The following HABP2 variants were observed in gnomAD, a reference collection of about 807,000 sequenced individuals.
HABP2 encodes factor VII-activating protease.
In HABP2, 65 loss-of-function variants were observed where a neutral mutation model predicts 66.5. That is an observed-to-expected ratio of 0.98 (90% CI 0.80 to 1.20). The LOEUF (loss-of-function observed/expected upper bound fraction) is 1.20. Among genes scored for constraint, HABP2 ranks in the 50% most tolerant of loss-of-function variants. HABP2 has a pLI of 0.00. For synonymous variants in HABP2, 263 were observed against 253.9 expected, an observed-to-expected ratio of 1.04 and a Z score of -0.34; for missense variants, 786 against 691.0, an observed-to-expected ratio of 1.14 and a Z score of -1.54.
intron 2 of HABP2, 126 bp from the exon 3 acceptor site, chr10:113,574,163 G>C (rs1302386834): frequency 1.4e-5 from 9 of 639,784 alleles, no homozygotes; most frequent in Non-Finnish European, 2.3e-5. Flanking sequence ...TGCAGAGCTG[G>C]AGAGACACAT....
chr10:113,556,067 G>C (rs2133738732), intron 1 of HABP2, among the ~76,000 whole-genome samples: 1 of 152,320 alleles, frequency 6.6e-6, no homozygotes, highest in African/African-American at 2.4e-5. Context: ...CTGCAAAGGA[G>C]GTGCTTTCAA....
rs529122179 is a variant in HABP2 at position 113,588,558 on chromosome 10, T to C, written c.*189T>C. 1 of 547,324 alleles carries C rather than the reference T, an allele frequency of 1.8e-6. No individual in the cohort carries two copies. Among genetic ancestry groups the C allele is most frequent in the Non-Finnish European group, 3.2e-6 (1 of 311,814 alleles). The allele number at this position is 547,324 out of a possible 1,614,324, so 33.9% of individuals were successfully genotyped here. A position where few individuals can be genotyped will look rare whatever the true frequency, so the allele number is the denominator to read the frequency against. The stretch of plus-strand genomic sequence containing the variant: ...AGCATTTGCACAATATCACCAGGCT[T>C]CTTCTGCCTCCCTTGGTAACCCAAG... On this transcript the variant is annotated 3_prime_UTR_variant, in exon 13 of 13. Coordinates refer to ENST00000351270, the MANE Select transcript of HABP2 (RefSeq NM_004132.5).
Position 113,589,485 on chromosome 10 carries a change from C to A in HABP2, c.*1116C>A, listed in dbSNP as rs1304856640. The stretch of plus-strand genomic sequence containing the variant: ...GAGAAAGCCCTGCAGGAAGTTTAAC[C>A]TGCGTGTCATCTGCCTGGTCATCTC... On this transcript the variant is annotated 3_prime_UTR_variant, in exon 13 of 13. Coordinates refer to ENST00000351270, the MANE Select transcript of HABP2 (RefSeq NM_004132.5). The A allele has an allele frequency of 8.8e-6, 6 of 683,968 alleles. No homozygotes were observed. In the East Asian group the frequency reaches 1.6e-4, roughly 19 times the overall value. 42.4% of individuals were successfully genotyped at this position (683,968 alleles called of 1,614,324 possible).
chr10:113,556,804 C>CTTTTTTTTT (rs66685949), intron 1 of HABP2, among the ~76,000 whole-genome samples: 22 of 105,130 alleles, frequency 2.1e-4, no homozygotes, highest in Non-Finnish European at 3.3e-4. Context: ...TTCTTTTATT[C>CTTTTTTTTT]TTTTTTTTTT....
chr10:113,557,302 A>G (rs920281303), intron 1 of HABP2, among the ~76,000 whole-genome samples: 5 of 151,570 alleles, frequency 3.3e-5, no homozygotes, highest in Admixed American at 1.3e-4. Flanking sequence ...ATTCTCATAG[A>G]TTTTTTTTTA....
intron 1 of HABP2, among the ~76,000 whole-genome samples, chr10:113,559,748 T>C (rs544699641): frequency 6.6e-6 from 1 of 152,372 alleles, no homozygotes; most frequent in South Asian, 2.1e-4. Flanking sequence ...AATGGGACTC[T>C]TCTCTTTCTG....
intron 1 of HABP2, among the ~76,000 whole-genome samples, chr10:113,561,521 A>ACCTC (rs1845099895): frequency 6.6e-6 from 1 of 151,824 alleles, no homozygotes; most frequent in African/African-American, 2.4e-5. Context: ...GGAGTAACGC[A>ACCTC]CCTCCCTGGT....
intron 9 of HABP2, among the ~76,000 whole-genome samples, chr10:113,582,635 G>A (rs1204951745): frequency 6.6e-6 from 1 of 152,162 alleles, no homozygotes; most frequent in Non-Finnish European, 1.5e-5. Context: ...CTGAATAGAG[G>A]AAAGCATGCT....
In HABP2 at chr10:113,582,707, G is replaced by A. The variant is rs182862799; in HGVS notation, c.1095-509G>A. Among the ~76,000 whole-genome samples, 6 of 152,322 alleles carry A rather than the reference G, an allele frequency of 3.9e-5. No homozygotes were observed. In the East Asian group the frequency reaches 7.7e-4, roughly 20 times the overall value. On this transcript the variant is annotated intron_variant, in intron 9 of 12. Coordinates refer to ENST00000351270, the MANE Select transcript of HABP2 (RefSeq NM_004132.5). Reference sequence around the variant, plus strand: ...TCAGGTGTCTTCATCCATGCCTCCTGTGTGCCTTAGAGAAGCAAGTAACTT... The same window carrying A: ...TCAGGTGTCTTCATCCATGCCTCCTATGTGCCTTAGAGAAGCAAGTAACTT...
chr10:113,566,228 G>A (rs1430368167), intron 1 of HABP2, among the ~76,000 whole-genome samples: 1 of 152,214 alleles, frequency 6.6e-6, no homozygotes, highest in Non-Finnish European at 1.5e-5. Context: ...AGCAAACTTT[G>A]TAAAATGTCA....
At chr10:113,555,669 T>C (rs1049594415) in intron 1 of HABP2, among the ~76,000 whole-genome samples, 2 of 152,204 alleles carry the variant, frequency 1.3e-5, no homozygotes, top group Admixed American at 6.5e-5. Flanking sequence ...GCATCATTCA[T>C]TGTGCCTTGC....
intron 12 of HABP2, 112 bp downstream of exon 12, chr10:113,586,050 TAAAG>T: frequency 4.3e-6 from 4 of 923,544 alleles, no homozygotes; most frequent in Non-Finnish European, 6.8e-6. Flanking sequence ...CCACCTGTGG[TAAAG>T]CTAAGACACA....
In HABP2 at chr10:113,576,152, G is replaced by T. The variant is rs186711098; in HGVS notation, c.331+148G>T. 3.0e-5 allele frequency: 18 copies of T among 604,880 alleles called. No individual in the cohort carries two copies. In the East Asian group the frequency reaches 4.8e-4, roughly 16 times the overall value. The allele number at this position is 604,880 out of a possible 1,614,324, so 37.5% of individuals were successfully genotyped here. ...AGTGTATTCCTCTGCAGGGTCCCAG[G>T]CAGCCTCTCACTGGATCCTCACCCC... On this transcript the variant is annotated intron_variant, in intron 4 of 12. Coordinates refer to ENST00000351270, the MANE Select transcript of HABP2 (RefSeq NM_004132.5).
At chr10:113,559,403 G>A (rs910859623) in intron 1 of HABP2, among the ~76,000 whole-genome samples, 1 of 152,196 alleles carries the variant, frequency 6.6e-6, no homozygotes, top group Non-Finnish European at 1.5e-5. Flanking sequence ...CATTGGAATT[G>A]GGAAAGGGAA....
rs1256429566 is a variant in HABP2, at chr10:113,584,311, TTA to T, written c.1372+30_1372+31del. The T allele has an allele frequency of 6.2e-6, 10 of 1,605,110 alleles. No individual in the cohort carries two copies. The East Asian group carries it at 2.2e-4, about 36-fold the overall frequency. On this transcript the variant is annotated intron_variant, in intron 11 of 12. Transcript: ENST00000351270. ...AGTCGGCCATGCACTCTCCCATGACTTAGGTGAACTACATCAACCAGAGAAGA... is the reference window on the plus strand; with the variant it reads ...AGTCGGCCATGCACTCTCCCATGACTGGTGAACTACATCAACCAGAGAAGA...
Position 113,586,012 on chromosome 10 carries a change from C to T in HABP2, c.1518+74C>T, listed in dbSNP as rs898849604. ...TTCACTAGGCAGAGGACCCTTAGAGCCCTGGGCTGGGAGCTAGGTTCAGAG... is the reference window on the plus strand; with the variant it reads ...TTCACTAGGCAGAGGACCCTTAGAGTCCTGGGCTGGGAGCTAGGTTCAGAG... On this transcript the variant is annotated intron_variant, in intron 12 of 12. Coordinates refer to ENST00000351270, the MANE Select transcript of HABP2 (RefSeq NM_004132.5). The T allele has an allele frequency of 7.1e-5, 97 of 1,374,346 alleles. No homozygotes were observed. The East Asian group carries it at 2.2e-3, about 31-fold the overall frequency. 85.1% of individuals were successfully genotyped at this position (1,374,346 alleles called of 1,614,324 possible).
intron 1 of HABP2, among the ~76,000 whole-genome samples, chr10:113,564,154 A>C (rs1481027751): frequency 6.6e-6 from 1 of 152,162 alleles, no homozygotes; most frequent in Non-Finnish European, 1.5e-5. Context: ...CAGGCAAAAC[A>C]GTGTATGCAG....
In HABP2 at chr10:113,586,486, G is replaced by T. The variant is rs1023630201; in HGVS notation, c.1518+548G>T. Among the ~76,000 whole-genome samples, 5 of 144,346 alleles carry T rather than the reference G, an allele frequency of 3.5e-5. 1 individual carries two copies. Among genetic ancestry groups the T allele is most frequent in the East Asian group, 2.2e-4 (1 of 4,538 alleles). The allele number at this position is 144,346 out of a possible 152,430, so 94.7% of individuals were successfully genotyped here. ...CGTGTGTGTGTGTGTGGGGGGGGGG[G>T]GGGTGTTTTAGCCCTAGAAAACTAA... On this transcript the variant is annotated intron_variant, in intron 12 of 12. Transcript: ENST00000351270.
chr10:113,583,213 C>A lies in HABP2; in HGVS notation c.1095-3C>A. The A allele has an allele frequency of 6.2e-7, 1 of 1,613,424 alleles. No homozygotes were observed. Among genetic ancestry groups the A allele is most frequent in the Non-Finnish European group, 8.5e-7 (1 of 1,179,682 alleles). Reference sequence around the variant, plus strand: ...TTCCTGACCATCTCATTTTCCCTTGCAGCATAAAAACCAGACATCTAAAGG... The same window carrying A: ...TTCCTGACCATCTCATTTTCCCTTGAAGCATAAAAACCAGACATCTAAAGG... On this transcript the variant is annotated splice_region_variant and splice_polypyrimidine_tract_variant and intron_variant, in intron 9 of 12. Coordinates refer to ENST00000351270, the MANE Select transcript of HABP2 (RefSeq NM_004132.5).
Sources: gnomAD v4.1 joint callset for allele counts (sites outside exome capture counted in the v4.1 genomes callset) on GRCh38, gnomAD v4.1.1 for gene constraint, MANE v1.5 for transcripts, NCBI Gene and HGNC (gene_info 2026-07-23, HGNC 2026-07-21) for gene names.